The following RBBP7 variants were observed in gnomAD, a reference collection of about 807,000 sequenced individuals.
RBBP7 encodes RB binding protein 7, chromatin remodeling factor, also known as histone-binding protein RBBP7.
A neutral mutation model predicts 35.2 loss-of-function variants in RBBP7; 5 were observed. That is an observed-to-expected ratio of 0.14 (90% confidence interval 0.07 to 0.30). The LOEUF (loss-of-function observed/expected upper bound fraction) is 0.30. RBBP7 is among the 10% of genes least tolerant of loss of function. The pLI is 1.00. For synonymous variants in RBBP7, 140 were observed against 118.7 expected (o/e 1.18, Z -1.17); for missense variants, 155 against 327.5 (o/e 0.47, Z 4.07).
chrX:16,856,571 A>AAC (rs1930359242), intron 5 of RBBP7, among the ~76,000 whole-genome samples: 1 of 109,062 alleles, frequency 9.2e-6, no homozygotes. Flanking sequence ...AACAACAAAA[A>AAC]CCAACTCCCC....
intron 3 of RBBP7, 61 bp downstream of exon 3, chrX:16,862,894 A>C (rs759513863): frequency 2.6e-6 from 3 of 1,134,848 alleles, no homozygotes. Flanking sequence ...TTTTAATAGC[A>C]TATGCTTTGA....
intron 5 of RBBP7, among the ~76,000 whole-genome samples, chrX:16,857,049 T>TA (rs1425902790): frequency 9.0e-6 from 1 of 110,786 alleles, no homozygotes; most frequent in East Asian, 2.8e-4. Context: ...AAAGGCCATA[T>TA]ATGAGATTCC....
In RBBP7 at chrX:16,864,336, G is replaced by A. The variant is rs1012129761; in HGVS notation, c.162-1236C>T. Among the ~76,000 whole-genome samples, 12 of 110,397 alleles carry A rather than the reference G, an allele frequency of 1.1e-4. 1 individual carries two copies. The East Asian group carries it at 2.6e-3, about 24-fold the overall frequency. On this transcript the variant is annotated intron_variant, in intron 2 of 11. Transcript: ENST00000380087. ...GGAGTTCGAGACCAGCCTAGCCAACGTGGAGAAACCCCATCTCTATTAAAA... is the reference window on the plus strand; with the variant it reads ...GGAGTTCGAGACCAGCCTAGCCAACATGGAGAAACCCCATCTCTATTAAAA...
rs764193462 is a variant in RBBP7 at position 16,869,080 on chromosome X, T to C, written c.157A>G (p.Thr53Ala). The change falls in exon 2 of 12, where the codon ACT (threonine) becomes GCT (alanine). Residue 53 changes from threonine (T) to alanine (A), a missense_variant. Thr to Ala is a moderately conservative substitution (Grantham distance 58). Around this residue, in one of 3 missense-constraint regions of RBBP7, gnomAD observed 59 missense variants for 90.4 expected, o/e 0.65. Coordinates refer to ENST00000380087, the MANE Select transcript of RBBP7 (RefSeq NM_002893.4). Reference protein sequence around the residue: ...SLTVQWLPEVTKPEGKDYALH... With the variant: ...SLTVQWLPEVAKPEGKDYALH... Reference sequence around the variant, plus strand: ...AAAGTTGCCAGAAACCCTTACTTAGTCACTTCAGGAAGCCACTGAACGGTA... The same window carrying C: ...AAAGTTGCCAGAAACCCTTACTTAGCCACTTCAGGAAGCCACTGAACGGTA... 2 of 1,196,627 alleles carry C rather than the reference T, an allele frequency of 1.7e-6. No individual in the cohort carries two copies. The highest frequency in any genetic ancestry group is 2.2e-6 in the Non-Finnish European group (2 of 891,542).
intron 1 of RBBP7, chrX:16,869,469 T>C (rs1930713857): frequency 5.2e-6 from 6 of 1,163,269 alleles, no homozygotes; most frequent in Middle Eastern, 2.3e-4. Context: ...ATGGAAATTG[T>C]TTACCCTGTT....
chrX:16,851,266 C>T (rs1224591751), intron 9 of RBBP7, among the ~76,000 whole-genome samples: 1 of 111,940 alleles, frequency 8.9e-6, no homozygotes, highest in East Asian at 2.8e-4. Context: ...ACTTCTTATT[C>T]CAAGTATTTT....
intron 5 of RBBP7, 130 bp from the exon 6 acceptor site, chrX:16,853,972 TC>T: frequency 1.9e-6 from 1 of 513,086 alleles, no homozygotes; most frequent in Non-Finnish European, 2.8e-6. Flanking sequence ...AGCCTCCGCC[TC>T]CAGGGCTCAA....
chrX:16,866,693 G>A (rs1930633602), intron 2 of RBBP7, among the ~76,000 whole-genome samples: 1 of 110,883 alleles, frequency 9.0e-6, no homozygotes, highest in African/African-American at 3.3e-5. Flanking sequence ...TAAGTCAGCA[G>A]AAGAAAGGCC....
At chrX:16,868,275 T>C (rs1930675902) in intron 2 of RBBP7, among the ~76,000 whole-genome samples, 2 of 111,810 alleles carry the variant, frequency 1.8e-5, no homozygotes, top group Admixed American at 9.5e-5. Context: ...TAAAAGTACA[T>C]GGTCAAGTTC....
chrX:16,869,951 T>C, intron 1 of RBBP7, 87 bp downstream of exon 1: 1 of 749,381 alleles, frequency 1.3e-6, no homozygotes, highest in Non-Finnish European at 1.6e-6. Flanking sequence ...GCACGCCAAT[T>C]CGCGCCTTTC....
At chrX:16,864,542 A>AAAAAAAAAAAAAAAAAAAAAAAAAAAAAG (rs1569063331) in intron 2 of RBBP7, among the ~76,000 whole-genome samples, 3 of 40,719 alleles carry the variant, frequency 7.4e-5, no homozygotes, top group Admixed American at 4.2e-4. Context: ...AAAAAAAAAA[A>AAAAAAAAAAAAAAAAAAAAAAAAAAAAAG]AAAAAGAAAA....
At position 16,864,538 on chromosome X, in the gene RBBP7, AAAAAAAAAAG is replaced by A. The variant is rs1231836176; in HGVS notation, c.162-1448_162-1439del. On this transcript the variant is annotated intron_variant, in intron 2 of 11. Transcript: ENST00000380087. ...GAAACTCCGTCTCCAAAAAAAAAAA[AAAAAAAAAAG>A]AAAAAGAAAGAAAACATGGGTCTTG... Among the ~76,000 whole-genome samples, 769 of 95,080 alleles carry A rather than the reference AAAAAAAAAAG, an allele frequency of 8.1e-3. 15 individuals are homozygous for A. Among genetic ancestry groups the A allele is most frequent in the African/African-American group, 0.028 (714 of 25,651 alleles). 82.6% of individuals were successfully genotyped at this position (95,080 alleles called of 115,157 possible). A position where few individuals can be genotyped will look rare whatever the true frequency, so the allele number is the denominator to read the frequency against.
intron 1 of RBBP7, 198 bp downstream of exon 1, chrX:16,869,840 C>T: frequency 1.1e-6 from 1 of 878,767 alleles, no homozygotes; most frequent in Non-Finnish European, 1.4e-6. Flanking sequence ...GCCCCGCGCC[C>T]GGCTCCGGAA....
chrX:16,853,630 T>C lies in RBBP7; in HGVS notation c.758+52A>G, dbSNP rs752745679. ...AACTACAGCCTGCAGCAATCACTGA[T>C]GGTCATTCAGGTCACCCATTTAACA... On this transcript the variant is annotated intron_variant, in intron 6 of 11. Coordinates refer to ENST00000380087, the MANE Select transcript of RBBP7 (RefSeq NM_002893.4). The C allele has an allele frequency of 4.8e-6, 5 of 1,035,305 alleles. No individual in the cohort carries two copies. The African/African-American group carries it at 6.0e-5, about 12-fold the overall frequency. The allele number at this position is 1,035,305 out of a possible 1,213,427, so 85.3% of individuals were successfully genotyped here.
In RBBP7 at chrX:16,858,880, C is replaced by A. The variant is rs753925240; in HGVS notation, c.308-31G>T. 63 of 1,197,975 alleles carry A rather than the reference C, an allele frequency of 5.3e-5. 1 individual carries two copies. The South Asian group carries it at 1.1e-3, about 21-fold the overall frequency. On this transcript the variant is annotated intron_variant, in intron 3 of 11. Transcript: ENST00000380087. ...GTGAGGAGAAAGAAACACACACACACACACTCAGGATTAAAATTCACAAAT... is the reference window on the plus strand; with the variant it reads ...GTGAGGAGAAAGAAACACACACACAAACACTCAGGATTAAAATTCACAAAT...
At chrX:16,869,573 A>T in intron 1 of RBBP7, 1 of 1,166,569 alleles carries the variant, frequency 8.6e-7, no homozygotes, top group Non-Finnish European at 1.1e-6. Context: ...GCAGAAGCCC[A>T]CAGGCCTGGT....
chrX:16,858,255 T>C (rs1004663946), intron 4 of RBBP7, among the ~76,000 whole-genome samples: 10 of 111,962 alleles, frequency 8.9e-5, no homozygotes, highest in African/African-American at 3.3e-4. Context: ...TAGAACAGGA[T>C]GTGCCCACGC....
At position 16,849,121 on chromosome X, in the gene RBBP7, G is replaced by C. The variant is rs779098134; in HGVS notation, c.1098+123C>G. On this transcript the variant is annotated intron_variant, in intron 10 of 11. Coordinates refer to ENST00000380087, the MANE Select transcript of RBBP7 (RefSeq NM_002893.4). ...AAGCCCAGTTGCAATAACCTTCAGG[G>C]CCTCCATTTTGAAACCATCTGCAAG... The C allele has an allele frequency of 7.5e-5, 43 of 571,908 alleles. No homozygotes were observed. In the African/African-American group the frequency reaches 9.3e-4, roughly 12 times the overall value. The allele number at this position is 571,908 out of a possible 1,213,427, so 47.1% of individuals were successfully genotyped here.
intron 1 of RBBP7, chrX:16,869,696 A>G (rs1569064910): frequency 2.9e-6 from 3 of 1,017,221 alleles, no homozygotes; most frequent in African/African-American, 2.0e-5. Context: ...GAGGCGGTCA[A>G]CGCGCGCGCG....
Sources: allele counts gnomAD v4.1 joint callset (sites outside exome capture counted in the v4.1 genomes callset), GRCh38; gene constraint gnomAD v4.1.1; regional missense constraint gnomAD v4.1.1; transcripts MANE v1.5; gene names NCBI Gene and HGNC (gene_info 2026-07-23, HGNC 2026-07-21).